TBC1D19: variants seen among roughly 807,000 people sequenced by gnomAD.
TBC1D19 encodes TBC1 domain family member 19.
TBC1D19 carries 60 observed loss-of-function variants against 89.0 expected under a neutral mutation model. The ratio of observed to expected loss-of-function variants is 0.67; its 90% CI spans 0.55 to 0.84. The LOEUF is 0.84. Ranked by LOEUF, TBC1D19 falls within the 40% of genes least tolerant of loss-of-function variation. The probability of loss-of-function intolerance (pLI) is 0.00; values close to 1 mark genes in which losing one functional copy is unlikely to be tolerated. For missense variants in TBC1D19, 500 were observed against 610.8 expected (o/e 0.82, Z 1.91); for synonymous variants, 189 against 199.7 (o/e 0.95, Z 0.45).
chr4:26,646,814 A>G (rs553784833), intron 7 of TBC1D19, among the ~76,000 whole-genome samples: 15 of 152,348 alleles, frequency 9.8e-5, no homozygotes, highest in Non-Finnish European at 2.1e-4. Context: ...GAGGGATAGC[A>G]TTAGGAGAAA....
chr4:26,613,006 G>A (rs1291048041), intron 1 of TBC1D19, among the ~76,000 whole-genome samples, 163 bp from the exon 2 acceptor site: 1 of 151,818 alleles, frequency 6.6e-6, no homozygotes, highest in African/African-American at 2.4e-5. Context: ...AGCTATTCTA[G>A]ATAGTTCTAA....
chr4:26,785,242 A>G, the TBC1D19 span, among the ~76,000 whole-genome samples: 7 of 152,216 alleles, frequency 4.6e-5, no homozygotes, highest in African/African-American at 1.7e-4. Flanking sequence ...TAAAGGGAAA[A>G]AGTAGGGATA....
At chr4:26,721,207 A>G (rs192443513) in intron 15 of TBC1D19, among the ~76,000 whole-genome samples, 22 of 152,082 alleles carry the variant, frequency 1.4e-4, no homozygotes, top group Non-Finnish European at 1.5e-5. Flanking sequence ...ATAACTACCT[A>G]AAGCTTAATA....
At position 26,690,897 on chromosome 4, in the gene TBC1D19, A is replaced by G. The variant is rs573868226; in HGVS notation, c.954+2490A>G. On this transcript the variant is annotated intron_variant, in intron 13 of 20. Coordinates refer to ENST00000264866, the MANE Select transcript of TBC1D19 (RefSeq NM_018317.4). ...TTTAAGAAATACATTTTGTAAGGCTATATAGTGTCATAGATAGTGATTCCT... is the reference window on the plus strand; with the variant it reads ...TTTAAGAAATACATTTTGTAAGGCTGTATAGTGTCATAGATAGTGATTCCT... Among the ~76,000 whole-genome samples the G allele has an allele frequency of 6.6e-5, 10 of 152,336 alleles. No homozygotes were observed. The South Asian group carries it at 2.1e-3, about 32-fold the overall frequency.
intron 19 of TBC1D19, among the ~76,000 whole-genome samples, chr4:26,752,019 G>A (rs7669392): frequency 0.043 from 6,509 of 152,112 alleles, 482 homozygotes; most frequent in African/African-American, 0.15. Context: ...TTGAGTATTG[G>A]CTTTACTATT....
intron 4 of TBC1D19, among the ~76,000 whole-genome samples, chr4:26,633,381 C>A (rs574993659): frequency 6.6e-6 from 1 of 151,576 alleles, no homozygotes; most frequent in Admixed American, 6.6e-5. Flanking sequence ...TGGTGTTCTG[C>A]GAGGTGAAGG....
the TBC1D19 span, among the ~76,000 whole-genome samples, chr4:26,835,106 G>C: frequency 6.6e-6 from 1 of 152,182 alleles, no homozygotes; most frequent in Admixed American, 6.5e-5. Flanking sequence ...AATAAGTTAA[G>C]GATCTTGATG....
intron 1 of TBC1D19, among the ~76,000 whole-genome samples, chr4:26,605,110 A>T (rs1740900612): frequency 1.3e-5 from 2 of 151,868 alleles, no homozygotes; most frequent in South Asian, 4.2e-4. Flanking sequence ...TGTGCAGGTT[A>T]GTTACATATG....
In TBC1D19 at chr4:26,674,611, C is replaced by T. The variant is rs142932795; in HGVS notation, c.816+723C>T. Among the ~76,000 whole-genome samples the T allele has an allele frequency of 2.7e-3, 418 of 152,084 alleles. 1 individual carries two copies. Among genetic ancestry groups the T allele is most frequent in the African/African-American group, 9.7e-3 (404 of 41,522 alleles). ...ATACAGACCTGATTTCAACTTCTAGCTCACCCAGCTTACTAGAAATATATC... is the reference window on the plus strand; with the variant it reads ...ATACAGACCTGATTTCAACTTCTAGTTCACCCAGCTTACTAGAAATATATC... On this transcript the variant is annotated intron_variant, in intron 11 of 20. Coordinates refer to ENST00000264866, the MANE Select transcript of TBC1D19 (RefSeq NM_018317.4).
intron 16 of TBC1D19, among the ~76,000 whole-genome samples, chr4:26,737,288 G>T (rs1389920790): frequency 6.6e-6 from 1 of 151,990 alleles, no homozygotes; most frequent in Non-Finnish European, 1.5e-5. Context: ...AGACCTTACA[G>T]CGTATTTATC....
rs760406207 is a variant in TBC1D19, at chr4:26,672,139, T to TA, written c.665-8dup. ...ATGTCTAATAATTTTAATTTTTTTT[T>TA]AATTTTTAGAACTTTTTGAAAATGA... On this transcript the variant is annotated splice_polypyrimidine_tract_variant and intron_variant, in intron 9 of 20. Transcript: ENST00000264866. 2.6e-5 allele frequency: 29 copies of TA among 1,126,496 alleles called. No individual in the cohort carries two copies. The highest frequency in any genetic ancestry group is 1.7e-4 in the East Asian group (3 of 17,308). The allele number at this position is 1,126,496 out of a possible 1,614,324, so 69.8% of individuals were successfully genotyped here. A position where few individuals can be genotyped will look rare whatever the true frequency, so the allele number is the denominator to read the frequency against.
In TBC1D19 at chr4:26,721,446, A is replaced by G. The variant is rs555292629; in HGVS notation, c.1084+1321A>G. ...AATTTTATCTTCCAAATACGTCTGG[A>G]ACCCTCTCTTCCACACCATCCCCGC... is the stretch of plus-strand genomic sequence containing the variant. On this transcript the variant is annotated intron_variant, in intron 15 of 20. Transcript: ENST00000264866. 5.9e-5 allele frequency among the ~76,000 whole-genome samples: 9 copies of G among 151,860 alleles called. No homozygotes were observed. In the South Asian group the frequency reaches 1.7e-3, roughly 28 times the overall value.
At chr4:26,757,490 C>A (rs1339208901), downstream of TBC1D19, among the ~76,000 whole-genome samples, 5 of 152,152 alleles carry the variant, frequency 3.3e-5, no homozygotes, top group East Asian at 1.9e-4. Context: ...GCCTAATAGG[C>A]AAATTGTATT....
At chr4:26,746,574 T>A (rs1409502941) in intron 18 of TBC1D19, among the ~76,000 whole-genome samples, 1 of 152,194 alleles carries the variant, frequency 6.6e-6, no homozygotes, top group African/African-American at 2.4e-5. Context: ...CATATTGAAC[T>A]GTACACTAAT....
chr4:26,630,819 G>A (rs1742762382), intron 4 of TBC1D19, among the ~76,000 whole-genome samples: 1 of 151,978 alleles, frequency 6.6e-6, no homozygotes, highest in South Asian at 2.1e-4. Flanking sequence ...CACATAGACA[G>A]CATTCAGTAT....
In TBC1D19 at chr4:26,659,604, T is replaced by G; in HGVS notation, c.488T>G (p.Ile163Ser). ...YAPKDFLEVL[I>S]NLRNPNYENG... ...TTGGATTTGTTTTTAAAGGTATTAATTAATCTTCGCAACCCAAATTATGAA... is the reference window on the plus strand; with the variant it reads ...TTGGATTTGTTTTTAAAGGTATTAAGTAATCTTCGCAACCCAAATTATGAA... The change falls in exon 8 of 21, where the codon ATT (isoleucine) becomes AGT (serine). Residue 163 changes from isoleucine (I) to serine (S), a missense_variant. This residue lies in a region of TBC1D19 where 280 missense variants were observed against 291.7 expected (regional missense o/e 0.96). Transcript: ENST00000264866. 6.3e-7 allele frequency: 1 copy of G among 1,585,032 alleles called. No individual in the cohort carries two copies. Among genetic ancestry groups the G allele is most frequent in the Non-Finnish European group, 8.6e-7 (1 of 1,159,208 alleles).
rs143548557 is a variant in TBC1D19, at chr4:26,632,843, A to G, written c.295-4368A>G. On this transcript the variant is annotated intron_variant, in intron 4 of 20. Transcript: ENST00000264866. ...CTCTTCTGCCAGATTGTCTAATGTCAATTTGTTTTTTGGCACCACTTCTTC... is the reference window on the plus strand; with the variant it reads ...CTCTTCTGCCAGATTGTCTAATGTCGATTTGTTTTTTGGCACCACTTCTTC... Among the ~76,000 whole-genome samples, 63 of 152,192 alleles carry G rather than the reference A, an allele frequency of 4.1e-4. No homozygotes were observed. The East Asian group carries it at 7.7e-3, about 19-fold the overall frequency.
chr4:26,654,898 T>C (rs192733734), intron 7 of TBC1D19, among the ~76,000 whole-genome samples: 21 of 152,226 alleles, frequency 1.4e-4, no homozygotes, highest in Non-Finnish European at 2.8e-4. Flanking sequence ...TCCATCCAGC[T>C]TTTTTCCATT....
intron 13 of TBC1D19, among the ~76,000 whole-genome samples, chr4:26,708,177 G>T (rs182570324): frequency 1.3e-3 from 203 of 152,080 alleles, no homozygotes; most frequent in African/African-American, 4.3e-3. Flanking sequence ...TCAGGTCTCA[G>T]CATTCATTTA....
Sources: allele counts gnomAD v4.1 joint callset (sites outside exome capture counted in the v4.1 genomes callset), GRCh38; gene constraint gnomAD v4.1.1; regional missense constraint gnomAD v4.1.1; transcripts MANE v1.5; gene names NCBI Gene and HGNC (gene_info 2026-07-23, HGNC 2026-07-21).